Variants in MBP observed in about 807,000 individuals in gnomAD.
The protein encoded by MBP is myelin basic protein, also known as Golli-MBP.
Under a neutral mutation model 35.8 loss-of-function variants are expected in MBP, and 16 were observed. The ratio of observed to expected loss-of-function variants is 0.45; its 90% CI spans 0.30 to 0.68. The LOEUF (loss-of-function observed/expected upper bound fraction) is 0.68. Among genes scored for constraint, MBP ranks in the 30% least tolerant of loss-of-function variants. The pLI is 0.08. For missense variants in MBP, 380 were observed against 404.7 expected, an observed-to-expected ratio of 0.94 and a Z score of 0.52; for synonymous variants, 143 against 159.6, an observed-to-expected ratio of 0.90 and a Z score of 0.78.
chr18:76,992,877 C>T (rs993745332), intron 4 of MBP, among the ~76,000 whole-genome samples: 1 of 152,148 alleles, frequency 6.6e-6, no homozygotes, highest in Non-Finnish European at 1.5e-5. Flanking sequence ...TATGCCCTGG[C>T]CCCGACCATC....
chr18:77,013,646 A>T (rs1971466136), intron 4 of MBP: 1 of 985,468 alleles, frequency 1.0e-6, no homozygotes, highest in Non-Finnish European at 1.2e-6. Flanking sequence ...GAACACTGAG[A>T]AGAGCAGGTT....
rs1969095394 is a variant in MBP, at chr18:76,980,137, C to G, written c.*290G>C. ...TGAACGTGGAGGGACGTCTGTGCAC[C>G]TGGCCCCCTGAAGACCCACGTGCGT... On this transcript the variant is annotated 3_prime_UTR_variant, in exon 9 of 9. Coordinates refer to ENST00000355994, the MANE Select transcript of MBP (RefSeq NM_001025101.2). The G allele has an allele frequency of 1.5e-6, 1 of 659,986 alleles. No homozygotes were observed. 40.9% of individuals were successfully genotyped at this position (659,986 alleles called of 1,614,324 possible). A position where few individuals can be genotyped will look rare whatever the true frequency, so the allele number is the denominator to read the frequency against.
chr18:77,056,833 C>G (rs1168333849), intron 3 of MBP, among the ~76,000 whole-genome samples: 1 of 152,172 alleles, frequency 6.6e-6, no homozygotes, highest in Admixed American at 6.5e-5. Context: ...GTCCACAGTC[C>G]TAACTACCAA....
chr18:77,022,543 G>A (rs1439214340), intron 3 of MBP, among the ~76,000 whole-genome samples: 3 of 107,212 alleles, frequency 2.8e-5, no homozygotes, highest in Non-Finnish European at 6.3e-5. Context: ...TGCAGTTTTT[G>A]CAGGGTGCAA....
chr18:76,984,225 T>C (rs2279078), intron 8 of MBP: 61,224 of 153,650 alleles, frequency 0.4, 13,206 homozygotes, highest in Non-Finnish European at 0.5. Context: ...TTTTGTGAGC[T>C]GAGTGGGCGG....
At chr18:77,083,124 C>T (rs1217473476) in intron 2 of MBP, among the ~76,000 whole-genome samples, 4 of 152,054 alleles carry the variant, frequency 2.6e-5, no homozygotes, top group African/African-American at 7.3e-5. Flanking sequence ...CCATGCCCTG[C>T]TAAGATTTTT....
At chr18:77,049,212 C>T (rs1432644405) in intron 3 of MBP, among the ~76,000 whole-genome samples, 1 of 149,028 alleles carries the variant, frequency 6.7e-6, no homozygotes, top group African/African-American at 2.5e-5. Flanking sequence ...AGCCACCGCA[C>T]CCGGCCGAGG....
At chr18:77,023,631 C>G (rs11150992) in intron 3 of MBP, among the ~76,000 whole-genome samples, 15,222 of 152,192 alleles carry the variant, frequency 0.1, 1,027 homozygotes, top group East Asian at 0.28. Flanking sequence ...CAAGGACACA[C>G]TCCTCTCTCT....
At chr18:77,016,732 G>A (rs1971662155) in intron 4 of MBP, 100 bp downstream of exon 4, 10 of 1,508,942 alleles carry the variant, frequency 6.6e-6, no homozygotes, top group Admixed American at 2.1e-5. Flanking sequence ...GACAGCAAGA[G>A]GCTACGTGCC....
At chr18:77,076,293 C>G (rs1359054611) in intron 2 of MBP, among the ~76,000 whole-genome samples, 2 of 152,214 alleles carry the variant, frequency 1.3e-5, no homozygotes, top group Non-Finnish European at 2.9e-5. Context: ...TGATGAGGAC[C>G]AGCCACTTCC....
intron 3 of MBP, chr18:77,017,484 C>T: frequency 2.5e-6 from 1 of 400,442 alleles, no homozygotes. Flanking sequence ...TCCTCAGTTA[C>T]TCGAGATTTG....
intron 3 of MBP, among the ~76,000 whole-genome samples, chr18:77,065,387 A>G (rs1173218285): frequency 6.6e-6 from 1 of 152,118 alleles, no homozygotes; most frequent in Non-Finnish European, 1.5e-5. Context: ...CAATGACCTG[A>G]TGACTAGGTC....
At chr18:77,063,665 C>A (rs763013860) in intron 3 of MBP, among the ~76,000 whole-genome samples, 2 of 152,108 alleles carry the variant, frequency 1.3e-5, no homozygotes, top group South Asian at 4.1e-4. Context: ...AAAACACAAC[C>A]CACGTTTGTG....
At chr18:77,026,177 C>A (rs1187554784) in intron 3 of MBP, among the ~76,000 whole-genome samples, 1 of 152,256 alleles carries the variant, frequency 6.6e-6, no homozygotes, top group Non-Finnish European at 1.5e-5. Context: ...CTGCAGGCCG[C>A]TGTCTGTGCC....
At chr18:77,012,403 G>A (rs936016485) in intron 4 of MBP, among the ~76,000 whole-genome samples, 5 of 152,218 alleles carry the variant, frequency 3.3e-5, no homozygotes, top group African/African-American at 9.6e-5. Flanking sequence ...TAACATTTGC[G>A]GGATGATGCT....
intron 2 of MBP, among the ~76,000 whole-genome samples, chr18:77,071,431 G>C (rs566134881): frequency 1.3e-5 from 2 of 152,086 alleles, no homozygotes; most frequent in Admixed American, 6.6e-5. Context: ...ATCTTATTTT[G>C]TTGTTGCTCT....
intron 3 of MBP, among the ~76,000 whole-genome samples, chr18:77,029,301 CTCGGCAGGCTG>C (rs945242279): frequency 6.7e-6 from 1 of 149,596 alleles, no homozygotes; most frequent in African/African-American, 2.5e-5. Context: ...ATCGCAGGCA[CTCGGCAGGCTG>C]AGGCAGGAGA....
chr18:76,985,042 C>A, intron 7 of MBP, 148 bp from the exon 8 acceptor site: 1 of 1,494,970 alleles, frequency 6.7e-7, no homozygotes, highest in South Asian at 1.2e-5. Flanking sequence ...GCCAGCACCA[C>A]GCTGAGGGGG....
chr18:77,043,970 C>T (rs1973116574), intron 3 of MBP, among the ~76,000 whole-genome samples: 2 of 152,138 alleles, frequency 1.3e-5, no homozygotes, highest in South Asian at 4.2e-4. Flanking sequence ...CTGCCATTCC[C>T]CCAGCTGCCG....
Sources: gnomAD v4.1 joint callset for allele counts (sites outside exome capture counted in the v4.1 genomes callset) on GRCh38, gnomAD v4.1.1 for gene constraint, MANE v1.5 for transcripts, NCBI Gene and HGNC (gene_info 2026-07-23, HGNC 2026-07-21) for gene names.